Variants in MACROD2 observed in about 807,000 individuals in gnomAD.
MACROD2 encodes mono-ADP ribosylhydrolase 2.
A neutral mutation model predicts 70.4 loss-of-function variants in MACROD2; 36 were observed. The observed-to-expected ratio is 0.51, with a 90% CI of 0.39 to 0.68. The LOEUF (loss-of-function observed/expected upper bound fraction) is 0.68, where lower values mean the gene tolerates loss of function less well. Ranked by LOEUF, MACROD2 falls within the 30% of genes least tolerant of loss-of-function variation. The probability of loss-of-function intolerance (pLI) is 0.00; values close to 1 mark genes in which losing one functional copy is unlikely to be tolerated. For missense variants in MACROD2, 496 were observed against 538.4 expected, an observed-to-expected ratio of 0.92 and a Z score of 0.78; for synonymous variants, 172 against 178.8, an observed-to-expected ratio of 0.96 and a Z score of 0.30.
chr20:14,821,461 G>T (rs2072843846), intron 5 of MACROD2, among the ~76,000 whole-genome samples: 1 of 152,132 alleles, frequency 6.6e-6, no homozygotes, highest in East Asian at 1.9e-4. Flanking sequence ...TAAAATCCTG[G>T]TTTAATTGGT....
At chr20:14,565,293 A>G (rs2423820) in intron 4 of MACROD2, among the ~76,000 whole-genome samples, 136,818 of 151,690 alleles carry the variant, frequency 0.9, 62,363 homozygotes, top group East Asian at 1. Context: ...CTTTACCACT[A>G]CACCCTATAT....
At chr20:14,295,986 A>G (rs570829541) in intron 3 of MACROD2, among the ~76,000 whole-genome samples, 3 of 152,002 alleles carry the variant, frequency 2.0e-5, no homozygotes, top group East Asian at 1.9e-4. Flanking sequence ...TTGCACATCA[A>G]TAGAGTAGTT....
At chr20:15,507,389 C>T (rs200829000) in intron 8 of MACROD2, among the ~76,000 whole-genome samples, 19 of 146,898 alleles carry the variant, frequency 1.3e-4, no homozygotes, top group African/African-American at 4.3e-4. Flanking sequence ...CCTTCCCTCC[C>T]TCCTTCCTTC....
chr20:15,652,907 G>A (rs182961980), intron 8 of MACROD2, among the ~76,000 whole-genome samples: 2 of 152,216 alleles, frequency 1.3e-5, no homozygotes, highest in African/African-American at 2.4e-5. Flanking sequence ...AAGTCTTACT[G>A]TTGTAACACT....
intron 7 of MACROD2, among the ~76,000 whole-genome samples, chr20:15,440,767 C>T (rs904071838): frequency 3.3e-5 from 5 of 152,112 alleles, no homozygotes; most frequent in African/African-American, 1.2e-4. Context: ...ATTATGCACC[C>T]CTTCCTTTTA....
At chr20:15,441,037 A>G (rs558171809) in intron 7 of MACROD2, among the ~76,000 whole-genome samples, 1 of 152,316 alleles carries the variant, frequency 6.6e-6, no homozygotes, top group Admixed American at 6.5e-5. Flanking sequence ...GGCCAAGCCT[A>G]TCTCTATCAT....
chr20:14,710,786 G>A (rs1351413342), intron 5 of MACROD2, among the ~76,000 whole-genome samples: 1 of 151,990 alleles, frequency 6.6e-6, no homozygotes, highest in Non-Finnish European at 1.5e-5. Flanking sequence ...CTTACTGCCA[G>A]TATTTTAAAA....
intron 6 of MACROD2, among the ~76,000 whole-genome samples, chr20:15,288,961 T>C (rs1041223053): frequency 6.6e-6 from 1 of 152,150 alleles, no homozygotes; most frequent in Non-Finnish European, 1.5e-5. Context: ...ATACAAAGAC[T>C]GTTTCTGACA....
intron 6 of MACROD2, among the ~76,000 whole-genome samples, chr20:15,379,959 A>G (rs772557471): frequency 3.3e-5 from 5 of 152,182 alleles, no homozygotes; most frequent in African/African-American, 1.2e-4. Context: ...CTACTCCAGG[A>G]TTCACCATAC....
intron 3 of MACROD2, among the ~76,000 whole-genome samples, chr20:14,485,603 A>T (rs886312572): frequency 1.3e-5 from 2 of 148,786 alleles, no homozygotes; most frequent in African/African-American, 4.9e-5. Context: ...TGGGAGGCTG[A>T]GGCAGGAGAA....
At chr20:15,272,851 C>A (rs1460036306) in intron 6 of MACROD2, among the ~76,000 whole-genome samples, 1 of 152,156 alleles carries the variant, frequency 6.6e-6, no homozygotes, top group East Asian at 1.9e-4. Context: ...TCTACAGTTG[C>A]CAATCAACCT....
intron 3 of MACROD2, among the ~76,000 whole-genome samples, chr20:14,439,296 TA>T (rs1285644486): frequency 6.6e-6 from 1 of 152,180 alleles, no homozygotes; most frequent in African/African-American, 2.4e-5. Context: ...TTGATTACTG[TA>T]GCTTTGTAAT....
intron 9 of MACROD2, among the ~76,000 whole-genome samples, chr20:15,871,048 C>T (rs537989285): frequency 1.3e-5 from 2 of 151,568 alleles, no homozygotes; most frequent in South Asian, 2.1e-4. Context: ...TGGTGATAGG[C>T]GCCTGTAGTC....
At chr20:14,216,306 A>T (rs1431415398) in intron 3 of MACROD2, among the ~76,000 whole-genome samples, 1 of 152,052 alleles carries the variant, frequency 6.6e-6, no homozygotes, top group African/African-American at 2.4e-5. Flanking sequence ...CTTGAAGATC[A>T]CTTGGCTGTA....
chr20:16,017,594 T>G (rs2066946172), intron 15 of MACROD2, among the ~76,000 whole-genome samples: 1 of 152,180 alleles, frequency 6.6e-6, no homozygotes, highest in Non-Finnish European at 1.5e-5. Context: ...TTCTCCACTC[T>G]CCAATCACAA....
chr20:15,769,869 A>T (rs867375346), intron 8 of MACROD2, among the ~76,000 whole-genome samples: 9 of 152,132 alleles, frequency 5.9e-5, no homozygotes, highest in African/African-American at 1.9e-4. Context: ...ACATTTGTTA[A>T]TCTCATCCTG....
At chr20:15,825,477 T>C (rs1025537007) in intron 8 of MACROD2, among the ~76,000 whole-genome samples, 2 of 141,880 alleles carry the variant, frequency 1.4e-5, no homozygotes, top group Non-Finnish European at 3.1e-5. Flanking sequence ...ATTGTAGACA[T>C]GATAAAATGG....
chr20:15,021,184 G>A (rs59756685), intron 5 of MACROD2, among the ~76,000 whole-genome samples: 1 of 122,144 alleles, frequency 8.2e-6, no homozygotes, highest in Non-Finnish European at 1.7e-5. Context: ...ATACAGGTGT[G>A]CGTATACACA....
chr20:15,263,465 A>T (rs755247848), intron 6 of MACROD2, among the ~76,000 whole-genome samples: 1 of 152,038 alleles, frequency 6.6e-6, no homozygotes, highest in Admixed American at 6.6e-5. Flanking sequence ...AAGTAACATG[A>T]TTCCCCTAGT....
Sources: gnomAD v4.1 joint callset for allele counts (sites outside exome capture counted in the v4.1 genomes callset) on GRCh38, gnomAD v4.1.1 for gene constraint, MANE v1.5 for transcripts, NCBI Gene and HGNC (gene_info 2026-07-23, HGNC 2026-07-21) for gene names.